CSMD1: variants seen among roughly 807,000 people sequenced by gnomAD.
CSMD1 encodes CUB and sushi domain-containing protein 1.
In CSMD1, 213 loss-of-function variants were observed where a neutral mutation model predicts 417.5. The observed-to-expected ratio is 0.51, with a 90% CI of 0.46 to 0.57. The LOEUF is 0.57. CSMD1 is among the 20% of genes least tolerant of loss of function. CSMD1 has a pLI of 0.00. For synonymous variants in CSMD1, 2,862 were observed against 1,736.8 expected, an observed-to-expected ratio of 1.65 and a Z score of -16.11; for missense variants, 6,923 against 4,529.7, an observed-to-expected ratio of 1.53 and a Z score of -15.17.
At chr8:4,336,247 T>C (rs957109272) in intron 3 of CSMD1, among the ~76,000 whole-genome samples, 4 of 152,128 alleles carry the variant, frequency 2.6e-5, no homozygotes, top group Middle Eastern at 3.2e-3. Flanking sequence ...CCTTTAAAGG[T>C]CTTGCTCGTC....
intron 37 of CSMD1, among the ~76,000 whole-genome samples, chr8:3,178,341 G>T (rs527483283): frequency 6.6e-6 from 1 of 151,632 alleles, no homozygotes; most frequent in Admixed American, 6.6e-5. Context: ...AGCCTTAATG[G>T]CCCAGGTTTT....
chr8:4,793,844 A>C (rs1227697892), intron 1 of CSMD1, among the ~76,000 whole-genome samples: 2 of 151,766 alleles, frequency 1.3e-5, no homozygotes, highest in Non-Finnish European at 2.9e-5. Context: ...GGAAAAAAAA[A>C]AAAAAAAAAC....
chr8:3,583,973 C>T (rs887945494), intron 9 of CSMD1, among the ~76,000 whole-genome samples: 45 of 151,876 alleles, frequency 3.0e-4, no homozygotes, highest in African/African-American at 1.0e-3. Flanking sequence ...TATGTGAGAG[C>T]ATGGCCTTTG....
At chr8:4,757,527 C>T (rs76896928) in intron 1 of CSMD1, among the ~76,000 whole-genome samples, 1,599 of 152,272 alleles carry the variant, frequency 0.011, 23 homozygotes, top group African/African-American at 0.037. Context: ...CTGGGATTTG[C>T]ATCCCTACCA....
intron 41 of CSMD1, among the ~76,000 whole-genome samples, chr8:3,138,985 G>C (rs765654940): frequency 1.6e-4 from 25 of 152,226 alleles, no homozygotes; most frequent in Non-Finnish European, 3.4e-4. Flanking sequence ...AGAAAGGTCT[G>C]AGAGCAGTTA....
At chr8:3,096,759 T>C (rs747418509) in intron 47 of CSMD1, 90 bp downstream of exon 47, 4 of 877,522 alleles carry the variant, frequency 4.6e-6, no homozygotes, top group Non-Finnish European at 6.9e-6. Context: ...CTCAAGAATA[T>C]ATTCCAGTCT....
intron 18 of CSMD1, among the ~76,000 whole-genome samples, chr8:3,386,589 A>G (rs1811017222): frequency 6.6e-6 from 1 of 152,200 alleles, no homozygotes; most frequent in Admixed American, 6.5e-5. Context: ...TAAAGAAGTC[A>G]AGGTGTTTAA....
chr8:4,708,423 C>T (rs1040099887), intron 1 of CSMD1, among the ~76,000 whole-genome samples: 3 of 152,140 alleles, frequency 2.0e-5, no homozygotes, highest in Non-Finnish European at 4.4e-5. Flanking sequence ...AAAAGTAAAA[C>T]TGCTAATAGT....
chr8:4,519,313 T>C (rs1803300406), intron 2 of CSMD1, among the ~76,000 whole-genome samples: 1 of 151,874 alleles, frequency 6.6e-6, no homozygotes, highest in Non-Finnish European at 1.5e-5. Flanking sequence ...CCTAAATGCA[T>C]GGATGAATGA....
At chr8:4,464,810 C>G (rs1424329635) in intron 2 of CSMD1, among the ~76,000 whole-genome samples, 2 of 152,076 alleles carry the variant, frequency 1.3e-5, no homozygotes, top group African/African-American at 4.8e-5. Context: ...AACTGATTCT[C>G]TTTGAAGTTT....
intron 2 of CSMD1, among the ~76,000 whole-genome samples, chr8:4,432,189 G>T (rs1797909548): frequency 6.6e-6 from 1 of 152,126 alleles, no homozygotes; most frequent in Non-Finnish European, 1.5e-5. Context: ...TGCGAAGTTT[G>T]AAAAAGTAAA....
chr8:4,037,754 G>A (rs1004792373), intron 3 of CSMD1, among the ~76,000 whole-genome samples: 2 of 152,156 alleles, frequency 1.3e-5, no homozygotes, highest in South Asian at 2.1e-4. Flanking sequence ...AGATTTTACT[G>A]CAAACAGCCG....
At chr8:2,941,964 T>C (rs530940650) in intron 69 of CSMD1, among the ~76,000 whole-genome samples, 1 of 152,196 alleles carries the variant, frequency 6.6e-6, no homozygotes, top group African/African-American at 2.4e-5. Flanking sequence ...GAAAAAAACA[T>C]ATTATTTCTC....
chr8:3,614,677 T>C (rs148999994), intron 8 of CSMD1, among the ~76,000 whole-genome samples: 50 of 152,284 alleles, frequency 3.3e-4, no homozygotes, highest in African/African-American at 1.2e-3. Flanking sequence ...ACCAAAGAAG[T>C]TTCTAGGTTT....
intron 3 of CSMD1, among the ~76,000 whole-genome samples, chr8:4,220,537 C>G (rs538505488): frequency 6.6e-5 from 10 of 152,266 alleles, no homozygotes; most frequent in African/African-American, 2.2e-4. Flanking sequence ...AACATGGAGA[C>G]ATTACTAAAC....
At chr8:3,761,302 G>A (rs1452347910) in intron 5 of CSMD1, among the ~76,000 whole-genome samples, 1 of 151,938 alleles carries the variant, frequency 6.6e-6, no homozygotes, top group East Asian at 1.9e-4. Flanking sequence ...AAATATATAT[G>A]TACACACGCA....
chr8:4,264,754 T>C (rs1017518294), intron 3 of CSMD1, among the ~76,000 whole-genome samples: 1 of 152,090 alleles, frequency 6.6e-6, no homozygotes, highest in Non-Finnish European at 1.5e-5. Context: ...CAGTAACATC[T>C]AGAACGTTCT....
chr8:4,652,577 G>C (rs117333258), intron 1 of CSMD1, among the ~76,000 whole-genome samples: 1 of 151,896 alleles, frequency 6.6e-6, no homozygotes, highest in Non-Finnish European at 1.5e-5. Flanking sequence ...GCTTGAACCC[G>C]GGAGGCAGAG....
At chr8:4,962,892 A>G (rs567684918) in intron 1 of CSMD1, among the ~76,000 whole-genome samples, 2 of 152,218 alleles carry the variant, frequency 1.3e-5, no homozygotes, top group Non-Finnish European at 2.9e-5. Context: ...TCCTGTAAAA[A>G]ATAAATCTAT....
Sources: gnomAD v4.1 joint callset for allele counts (sites outside exome capture counted in the v4.1 genomes callset) on GRCh38, gnomAD v4.1.1 for gene constraint, MANE v1.5 for transcripts, NCBI Gene and HGNC (gene_info 2026-07-23, HGNC 2026-07-21) for gene names.